ZC3HAV1: variants seen among roughly 807,000 people sequenced by gnomAD.
ZC3HAV1 encodes the protein zinc finger CCCH-type antiviral protein 1.
In ZC3HAV1, 41 loss-of-function variants were observed where a neutral mutation model predicts 86.6. The observed-to-expected ratio is 0.47, with a 90% CI of 0.37 to 0.61. The LOEUF (loss-of-function observed/expected upper bound fraction) is 0.61, where lower values mean the gene tolerates loss of function less well. ZC3HAV1 is among the 20% of genes least tolerant of loss of function. ZC3HAV1 has a pLI of 0.00. For synonymous variants in ZC3HAV1, 421 were observed against 432.1 expected, an observed-to-expected ratio of 0.97 and a Z score of 0.32; for missense variants, 964 against 1,141.1, an observed-to-expected ratio of 0.84 and a Z score of 2.24.
chr7:139,067,618 T>G (rs1288096001), intron 7 of ZC3HAV1, among the ~76,000 whole-genome samples: 3 of 152,160 alleles, frequency 2.0e-5, no homozygotes, highest in Non-Finnish European at 4.4e-5. Context: ...ACAATGTACA[T>G]TATTCAGGTG....
intron 9 of ZC3HAV1, chr7:139,060,378 G>A (rs1435394842): frequency 1.0e-6 from 1 of 986,850 alleles, no homozygotes; most frequent in East Asian, 1.1e-4. Flanking sequence ...AGTTCACAAG[G>A]AGAGTTACAA....
Position 139,064,263 on chromosome 7 carries a change from A to G in ZC3HAV1, c.1993+616T>C, listed in dbSNP as rs577912808. On this transcript the variant is annotated intron_variant, in intron 8 of 12. Coordinates refer to ENST00000242351, the MANE Select transcript of ZC3HAV1 (RefSeq NM_020119.4). ...GTCCCGAAAGGGCAAGCACTTGATC[A>G]TGTGCAGGGGGTGCCCAATGGGATG... Among the ~76,000 whole-genome samples the G allele has an allele frequency of 5.3e-5, 8 of 152,332 alleles. No individual in the cohort carries two copies. The South Asian group carries it at 1.7e-3, about 32-fold the overall frequency.
chr7:139,104,240 G>A (rs1198153052), intron 1 of ZC3HAV1, among the ~76,000 whole-genome samples: 1 of 140,570 alleles, frequency 7.1e-6, no homozygotes, highest in Admixed American at 7.3e-5. Context: ...TGAATTAACC[G>A]AAAAGGAAAG....
At chr7:139,101,451 T>G (rs9692458) in intron 1 of ZC3HAV1, among the ~76,000 whole-genome samples, 40 of 35,514 alleles carry the variant, frequency 1.1e-3, no homozygotes, top group Non-Finnish European at 2.0e-3. Context: ...GCCTCTGCCC[T>G]GCCGCCCCGT....
Position 139,079,859 on chromosome 7 carries a change from C to CTCT in ZC3HAV1, c.1079_1081dup (p.Lys360dup), listed in dbSNP as rs1817073789. On this transcript the variant is annotated inframe_insertion, in exon 4 of 13. Coordinates refer to ENST00000242351, the MANE Select transcript of ZC3HAV1 (RefSeq NM_020119.4). ...TTGGTCATTCGTCCAGGATGTGAGG[C>CTCT]TCTTCCAGTTGGGGGCTGATGTTGA... is the stretch of plus-strand genomic sequence containing the variant. 1 of 1,614,048 alleles carries CTCT rather than the reference C, an allele frequency of 6.2e-7. No individual in the cohort carries two copies. The highest frequency in any genetic ancestry group is 1.1e-5 in the South Asian group (1 of 91,076).
Position 139,054,038 on chromosome 7 carries a change from C to A in ZC3HAV1, c.2245G>T (p.Ala749Ser). 1.2e-6 allele frequency: 2 copies of A among 1,607,518 alleles called. No individual in the cohort carries two copies. The highest frequency in any genetic ancestry group is 2.2e-5 in the South Asian group (2 of 89,010). The part of the protein sequence containing the change: ...EYVRVSEHFK[A>S]SMKNFKIEKI... Reference sequence around the variant, plus strand: ...TCAATCTTGAAATTTTTCATGGAAGCTTTAAAATGCTCACTTACTCTGACA... The same window carrying A: ...TCAATCTTGAAATTTTTCATGGAAGATTTAAAATGCTCACTTACTCTGACA... Residue 749 changes from alanine to serine, a missense_variant, in exon 11 of 13, where the codon GCT becomes TCT. By Grantham distance (99) the Ala-to-Ser change is moderately conservative. Coordinates refer to ENST00000242351, the MANE Select transcript of ZC3HAV1 (RefSeq NM_020119.4).
rs1298988031 is a variant in ZC3HAV1, at chr7:139,076,197, G to GT, written c.1697+88dup. On this transcript the variant is annotated intron_variant, in intron 6 of 12. Coordinates refer to ENST00000242351, the MANE Select transcript of ZC3HAV1 (RefSeq NM_020119.4). The stretch of plus-strand genomic sequence containing the variant: ...TCGAATGGGATTCTGATGGAAAAGT[G>GT]TTTTTTTCTTTTTCCCCTGAGCCTA... The GT allele has an allele frequency of 1.5e-5, 24 of 1,559,092 alleles. No homozygotes were observed. The South Asian group carries it at 2.2e-4, about 14-fold the overall frequency.
chr7:139,085,026 A>G (rs765923787), intron 2 of ZC3HAV1, among the ~76,000 whole-genome samples: 1 of 152,238 alleles, frequency 6.6e-6, no homozygotes. Flanking sequence ...CAAGTCTATG[A>G]TCCAGATTCT....
At position 139,047,405 on chromosome 7, in the gene ZC3HAV1, C is replaced by T. The variant is rs1414948785; in HGVS notation, c.*189G>A. 2 of 657,958 alleles carry T rather than the reference C, an allele frequency of 3.0e-6. No individual in the cohort carries two copies. Among genetic ancestry groups the T allele is most frequent in the East Asian group, 3.1e-5 (1 of 32,358 alleles). 40.8% of individuals were successfully genotyped at this position (657,958 alleles called of 1,614,324 possible). ...ATGATTTCATTGGCATGGGGTGCAA[C>T]CTGGGCATCAGAATTTGTTTAAAAC... On this transcript the variant is annotated 3_prime_UTR_variant, in exon 13 of 13. Coordinates refer to ENST00000242351, the MANE Select transcript of ZC3HAV1 (RefSeq NM_020119.4).
intron 1 of ZC3HAV1, among the ~76,000 whole-genome samples, chr7:139,099,150 G>A (rs188097553): frequency 4.7e-4 from 71 of 152,082 alleles, no homozygotes; most frequent in Non-Finnish European, 5.1e-4. Context: ...TGCAGACACC[G>A]AGAGTCAAAT....
intron 7 of ZC3HAV1, among the ~76,000 whole-genome samples, chr7:139,071,781 C>A (rs1308331387): frequency 6.6e-6 from 1 of 152,206 alleles, no homozygotes; most frequent in African/African-American, 2.4e-5. Flanking sequence ...TCCACCAGGG[C>A]AGCCCTGCTC....
At position 139,045,223 on chromosome 7, in the gene ZC3HAV1, C is replaced by T. The variant is rs565064173; in HGVS notation, c.*2371G>A. On this transcript the variant is annotated 3_prime_UTR_variant, in exon 13 of 13. Coordinates refer to ENST00000242351, the MANE Select transcript of ZC3HAV1 (RefSeq NM_020119.4). ...ATAAAGAAGATGTATTTCTATTTGT[C>T]GTTTAGAAAAAAAAAGGCAGAAATG... 4 of 151,716 alleles carry T rather than the reference C, an allele frequency of 2.6e-5. No individual in the cohort carries two copies. Among genetic ancestry groups the T allele is most frequent in the South Asian group, 2.1e-4 (1 of 4,820 alleles). 9.4% of individuals were successfully genotyped at this position (151,716 alleles called of 1,614,324 possible).
At chr7:139,048,423 T>C (rs977274881) in intron 12 of ZC3HAV1, among the ~76,000 whole-genome samples, 2 of 151,568 alleles carry the variant, frequency 1.3e-5, no homozygotes, top group Non-Finnish European at 2.9e-5. Flanking sequence ...CTGGGCAACA[T>C]GGGGAGACTC....
chr7:139,093,638 G>A (rs1307791921), intron 1 of ZC3HAV1, among the ~76,000 whole-genome samples: 1 of 152,134 alleles, frequency 6.6e-6, no homozygotes, highest in African/African-American at 2.4e-5. Context: ...GCCCGCCAGA[G>A]AACAACCCCC....
chr7:139,065,387 T>C (rs755496479), intron 7 of ZC3HAV1, among the ~76,000 whole-genome samples: 3 of 152,156 alleles, frequency 2.0e-5, no homozygotes, highest in Non-Finnish European at 4.4e-5. Flanking sequence ...AAATAGAACA[T>C]CGTGGGCTAT....
rs1446048661 is a variant in ZC3HAV1 at position 139,089,626 on chromosome 7, C to T, written c.442G>A (p.Glu148Lys). The T allele has an allele frequency of 1.1e-5, 17 of 1,602,798 alleles. No homozygotes were observed. Among genetic ancestry groups the T allele is most frequent in the Non-Finnish European group, 1.4e-5 (16 of 1,175,894 alleles). The change falls in exon 2 of 13, where the codon GAG becomes AAG. Residue 148 changes from glutamate to lysine, a missense_variant and splice_region_variant. Physicochemically the swap from Glu to Lys is moderately conservative, Grantham distance 56. Transcript: ENST00000242351. ...LLQSDPFFMPEICKSYKGEGR... is the reference protein window; with the variant it reads ...LLQSDPFFMPKICKSYKGEGR... Reference sequence around the variant, plus strand: ...TAAACTGAGGAATCACAACTTACCTCGGGCATAAAAAAAGGATCACTTTGG... The same window carrying T: ...TAAACTGAGGAATCACAACTTACCTTGGGCATAAAAAAAGGATCACTTTGG...
At chr7:139,090,101 A>G (rs946151331) in intron 1 of ZC3HAV1, among the ~76,000 whole-genome samples, 11 of 152,010 alleles carry the variant, frequency 7.2e-5, no homozygotes, top group Non-Finnish European at 1.6e-4. Flanking sequence ...TTGTATTTTT[A>G]GTAGAGACGG....
At position 139,054,059 on chromosome 7, in the gene ZC3HAV1, T is replaced by G; in HGVS notation, c.2224A>C (p.Arg742=). The change falls in exon 11 of 13, where the codon AGA becomes CGA. Residue 742 remains arginine, a synonymous_variant. Transcript: ENST00000242351. Reference sequence around the variant, plus strand: ...GAAGCTTTAAAATGCTCACTTACTCTGACATATTCTGGATGTAGGTGATGG... The same window carrying G: ...GAAGCTTTAAAATGCTCACTTACTCGGACATATTCTGGATGTAGGTGATGG... ...EIHHLHPEYV[R]VSEHFKASMK... is the part of the protein sequence containing the mutation. 6.3e-7 allele frequency: 1 copy of G among 1,599,988 alleles called. No individual in the cohort carries two copies. Among genetic ancestry groups the G allele is most frequent in the South Asian group, 1.1e-5 (1 of 87,358 alleles).
chr7:139,100,942 G>T (rs1291456474), intron 1 of ZC3HAV1, among the ~76,000 whole-genome samples: 1 of 152,136 alleles, frequency 6.6e-6, no homozygotes, highest in Admixed American at 6.5e-5. Flanking sequence ...CAACCTCCCT[G>T]CCTGATTCTC....
Sources: gnomAD v4.1 joint callset for allele counts (sites outside exome capture counted in the v4.1 genomes callset) on GRCh38, gnomAD v4.1.1 for gene constraint, MANE v1.5 for transcripts, NCBI Gene and HGNC (gene_info 2026-07-23, HGNC 2026-07-21) for gene names.